Variants in SH3BP5L observed in about 807,000 individuals in gnomAD.
SH3BP5L encodes the protein SH3 domain-binding protein 5-like.
Under a neutral mutation model 40.9 loss-of-function variants are expected in SH3BP5L, and 16 were observed. The ratio of observed to expected loss-of-function variants is 0.39; its 90% confidence interval spans 0.27 to 0.59. SH3BP5L has a LOEUF of 0.59. Among genes scored for constraint, SH3BP5L ranks in the 20% least tolerant of loss-of-function variants. The pLI, the probability that SH3BP5L is intolerant of heterozygous loss-of-function variation, is 0.53. For synonymous variants in SH3BP5L, 229 were observed against 226.7 expected (o/e 1.01, Z -0.09); for missense variants, 471 against 544.6 (o/e 0.86, Z 1.35).
At chr1:248,816,695 G>A (rs754071360) in intron 3 of SH3BP5L, 33 bp from the exon 4 acceptor site, 57 of 1,613,774 alleles carry the variant, frequency 3.5e-5, no homozygotes, top group Non-Finnish European at 4.5e-5. Context: ...AAAGGCACAT[G>A]TTTGGGTCCC....
At chr1:248,820,427 G>A (rs1360166165) in intron 2 of SH3BP5L, 2 of 152,228 alleles carry the variant, frequency 1.3e-5, no homozygotes, top group Non-Finnish European at 1.5e-5. Flanking sequence ...AGCTTCCTGG[G>A]GCTTGACGAG....
rs1290558177 is a variant in SH3BP5L at position 248,810,857 on chromosome 1, A to T, written c.*1043T>A. The T allele has an allele frequency of 6.6e-6, 1 of 152,650 alleles. No homozygotes were observed. The highest frequency in any genetic ancestry group is 1.5e-5 in the Non-Finnish European group (1 of 68,074). The allele number at this position is 152,650 out of a possible 1,614,324, so 9.5% of individuals were successfully genotyped here. ...CCCTCCCTGTAACAAAGGAAGTAAG[A>T]GGGTTGGCAGCCAAGCTTCAGTGTG... On this transcript the variant is annotated 3_prime_UTR_variant, in exon 7 of 7. Transcript: ENST00000366472.
At position 248,813,103 on chromosome 1, in the gene SH3BP5L, C is replaced by T; in HGVS notation, c.597G>A (p.Arg199=). The T allele has an allele frequency of 1.2e-6, 2 of 1,611,520 alleles. No homozygotes were observed. Among genetic ancestry groups the T allele is most frequent in the Non-Finnish European group, 1.7e-6 (2 of 1,178,676 alleles). The change falls in exon 6 of 7, where the codon CGG becomes CGA. Residue 199 remains arginine, a synonymous_variant. Coordinates refer to ENST00000366472, the MANE Select transcript of SH3BP5L (RefSeq NM_030645.3). ...CCCGAGCCTCAGCCTGTTGGCACAGCCGAGTCACTCGCTGGTGCTCCCGCT... is the reference window on the plus strand; with the variant it reads ...CCCGAGCCTCAGCCTGTTGGCACAGTCGAGTCACTCGCTGGTGCTCCCGCT... The part of the protein sequence containing the change: ...RGEREHQRVT[R]LCQQAEARVQ...
At position 248,812,092 on chromosome 1, in the gene SH3BP5L, G is replaced by A. The variant is rs772697004; in HGVS notation, c.990C>T (p.Thr330=). 8 of 1,611,942 alleles carry A rather than the reference G, an allele frequency of 5.0e-6. No individual in the cohort carries two copies. Among genetic ancestry groups the A allele is most frequent in the East Asian group, 2.2e-5 (1 of 44,830 alleles). Residue 330 remains threonine (T), a synonymous_variant, in exon 7 of 7, where the codon ACC becomes ACT. Transcript: ENST00000366472. This position sits in a 1 kb window ranked among gnomAD's most constrained non-coding sequence, Gnocchi z 6.1. The part of the protein sequence containing the change: ...SSLGPGPAPD[T]DTLSLLSLRT... ...GCAGGCTCAGCAGACTCAGGGTATC[G>A]GTGTCGGGGGCGGGGCCGGGCCCCA...
chr1:248,823,533 T>C (rs142566870), intron 2 of SH3BP5L, among the ~76,000 whole-genome samples: 4 of 152,120 alleles, frequency 2.6e-5, no homozygotes, highest in African/African-American at 7.2e-5. Context: ...GCAAGAAAAA[T>C]TGGCTGTTTT....
At position 248,812,118 on chromosome 1, in the gene SH3BP5L, G is replaced by A. The variant is rs752894866; in HGVS notation, c.964C>T (p.Leu322=). The change falls in exon 7 of 7, where the codon CTG becomes TTG. Residue 322 remains leucine, a synonymous_variant. Coordinates refer to ENST00000366472, the MANE Select transcript of SH3BP5L (RefSeq NM_030645.3). The surrounding 1 kb of genome is among the most constrained non-coding windows in gnomAD (Gnocchi z 6.1). ...GTGTCGGGGGCGGGGCCGGGCCCCA[G>A]GCTGCTGCCCTCCTCCAGCCCCGCA... ...EGAGLEEGSS[L]GPGPAPDTDT... The A allele has an allele frequency of 1.1e-5, 18 of 1,609,672 alleles. No individual in the cohort carries two copies. In the South Asian group the frequency reaches 1.3e-4, roughly 12 times the overall value.
Position 248,811,667 on chromosome 1 carries a change from G to A in SH3BP5L, c.*233C>T. Reference sequence around the variant, plus strand: ...AGGCAGAGGCAGACAGAGCGCCGAGGGCGAGCCTTCTGAATGGGTAAGGCA... The same window carrying A: ...AGGCAGAGGCAGACAGAGCGCCGAGAGCGAGCCTTCTGAATGGGTAAGGCA... On this transcript the variant is annotated 3_prime_UTR_variant, in exon 7 of 7. Transcript: ENST00000366472. 1 of 505,294 alleles carries A rather than the reference G, an allele frequency of 2.0e-6. No homozygotes were observed. The highest frequency in any genetic ancestry group is 3.6e-5 in the Admixed American group (1 of 27,532). The allele number at this position is 505,294 out of a possible 1,614,324, so 31.3% of individuals were successfully genotyped here.
Position 248,825,008 on chromosome 1 carries a change from G to A in SH3BP5L, c.-73C>T. On this transcript the variant is annotated 5_prime_UTR_variant, in exon 2 of 7. Transcript: ENST00000366472. ...GCTGGGACCAGGGCCCCAGCTTGGG[G>A]CTTCCTGGGCTCTAGATGGCCAGGA... 1 of 1,516,484 alleles carries A rather than the reference G, an allele frequency of 6.6e-7. No individual in the cohort carries two copies. The allele number at this position is 1,516,484 out of a possible 1,614,324, so 93.9% of individuals were successfully genotyped here.
At position 248,825,048 on chromosome 1, in the gene SH3BP5L, C is replaced by T; in HGVS notation, c.-113G>A. The T allele has an allele frequency of 6.9e-7, 1 of 1,459,280 alleles. No homozygotes were observed. Among genetic ancestry groups the T allele is most frequent in the Non-Finnish European group, 9.0e-7 (1 of 1,111,800 alleles). 90.4% of individuals were successfully genotyped at this position (1,459,280 alleles called of 1,614,324 possible). Reference sequence around the variant, plus strand: ...GATGGCCAGGAGAAGAGTTTCTCTTCTCAAAAGGCAGAAAAGGTGGGCACA... The same window carrying T: ...GATGGCCAGGAGAAGAGTTTCTCTTTTCAAAAGGCAGAAAAGGTGGGCACA... On this transcript the variant is annotated 5_prime_UTR_variant, in exon 2 of 7. Coordinates refer to ENST00000366472, the MANE Select transcript of SH3BP5L (RefSeq NM_030645.3).
chr1:248,816,997 G>A, intron 2 of SH3BP5L, 113 bp from the exon 3 acceptor site: 1 of 1,583,436 alleles, frequency 6.3e-7, no homozygotes, highest in African/African-American at 1.4e-5. Flanking sequence ...AGGGAAATGA[G>A]GTGAGACACT....
rs771182505 is a variant in SH3BP5L at position 248,813,097 on chromosome 1, G to A, written c.603C>T (p.Cys201=). 4 of 1,610,856 alleles carry A rather than the reference G, an allele frequency of 2.5e-6. No homozygotes were observed. The Admixed American group carries it at 6.7e-5, about 27-fold the overall frequency. Residue 201 remains cysteine (C), a synonymous_variant, in exon 6 of 7, where the codon TGC becomes TGT. Transcript: ENST00000366472. The part of the protein sequence containing the change: ...EREHQRVTRL[C]QQAEARVQAL... ...CTTGGACCCGAGCCTCAGCCTGTTGGCACAGCCGAGTCACTCGCTGGTGCT... is the reference window on the plus strand; with the variant it reads ...CTTGGACCCGAGCCTCAGCCTGTTGACACAGCCGAGTCACTCGCTGGTGCT...
intron 2 of SH3BP5L, 178 bp from the exon 3 acceptor site, chr1:248,817,062 C>T: frequency 6.5e-7 from 1 of 1,532,754 alleles, no homozygotes; most frequent in Non-Finnish European, 8.7e-7. Context: ...CTATCAGGGA[C>T]CTGATACATA....
intron 4 of SH3BP5L, among the ~76,000 whole-genome samples, chr1:248,815,795 C>A (rs1664090061): frequency 6.6e-6 from 1 of 152,192 alleles, no homozygotes; most frequent in Non-Finnish European, 1.5e-5. Context: ...GCCTACCCTG[C>A]CTCACCTACT....
chr1:248,821,653 T>C lies in SH3BP5L; in HGVS notation c.183+3100A>G, dbSNP rs1664257172. Among the ~76,000 whole-genome samples, 1 of 151,934 alleles carries C rather than the reference T, an allele frequency of 6.6e-6. No homozygotes were observed. Among genetic ancestry groups the C allele is most frequent in the Admixed American group, 6.6e-5 (1 of 15,258 alleles). ...AAGTCACAGAACAGACCCAGGTCCA[T>C]CCTAGATCCACGCTCCTTTCCTCTT... On this transcript the variant is annotated intron_variant, in intron 2 of 6. Coordinates refer to ENST00000366472, the MANE Select transcript of SH3BP5L (RefSeq NM_030645.3). The surrounding 1 kb of genome is among the most constrained non-coding windows in gnomAD (Gnocchi z 4.6).
chr1:248,814,009 C>A (rs951920020), intron 5 of SH3BP5L: 3 of 181,738 alleles, frequency 1.7e-5, no homozygotes, highest in African/African-American at 2.4e-5. Context: ...GAGATCCTTC[C>A]GCTCCCCAGT....
chr1:248,813,074 T>C lies in SH3BP5L; in HGVS notation c.626A>G (p.Gln209Arg). ...RLCQQAEARV[Q>R]ALQKTLRRAI... The stretch of plus-strand genomic sequence containing the variant: ...CCTCCGGAGGGTCTTCTGCAGGGCT[T>C]GGACCCGAGCCTCAGCCTGTTGGCA... Residue 209 changes from glutamine (Q) to arginine (R), a missense_variant, in exon 6 of 7, where the codon CAA (glutamine) becomes CGA (arginine). Gln to Arg is a conservative substitution (Grantham distance 43). This residue lies in a region of SH3BP5L where 275 missense variants were observed against 370.1 expected (regional missense o/e 0.74). Transcript: ENST00000366472. 6.2e-7 allele frequency: 1 copy of C among 1,612,598 alleles called. No individual in the cohort carries two copies. The highest frequency in any genetic ancestry group is 8.5e-7 in the Non-Finnish European group (1 of 1,179,084).
chr1:248,824,476 T>C (rs1664322967), intron 2 of SH3BP5L, among the ~76,000 whole-genome samples: 1 of 152,142 alleles, frequency 6.6e-6, no homozygotes, highest in Non-Finnish European at 1.5e-5. Flanking sequence ...GCCTCCTCCA[T>C]CTACTGCCAA....
intron 2 of SH3BP5L, 132 bp from the exon 3 acceptor site, chr1:248,817,016 G>C (rs1300231521): frequency 6.4e-7 from 1 of 1,560,232 alleles, no homozygotes; most frequent in East Asian, 2.4e-5. Context: ...CTCAGGAAAG[G>C]AAAGAAGATA....
Position 248,813,139 on chromosome 1 carries a change from C to A in SH3BP5L, c.561G>T (p.Arg187=). Residue 187 remains arginine (R), a synonymous_variant, in exon 6 of 7, where the codon CGG becomes CGT. Transcript: ENST00000366472. ...TCKVNEAEEE[R]LRGEREHQRV... ...GCTGGTGCTCCCGCTCACCTCGAAG[C>A]CGCTCTTCCTCCGCCTCATTCACCT... 1 of 1,601,868 alleles carries A rather than the reference C, an allele frequency of 6.2e-7. No homozygotes were observed. The highest frequency in any genetic ancestry group is 8.5e-7 in the Non-Finnish European group (1 of 1,173,802).
Sources: allele counts gnomAD v4.1 joint callset (sites outside exome capture counted in the v4.1 genomes callset), GRCh38; gene constraint gnomAD v4.1.1; regional missense constraint gnomAD v4.1.1; non-coding constraint Gnocchi (gnomAD v3.1); transcripts MANE v1.5; gene names NCBI Gene and HGNC (gene_info 2026-07-23, HGNC 2026-07-21).